KDM2A: variants seen among roughly 807,000 people sequenced by gnomAD.
KDM2A encodes the protein lysine-specific demethylase 2A.
Under a neutral mutation model 137.3 loss-of-function variants are expected in KDM2A, and 3 were observed. The observed-to-expected ratio is 0.02, with a 90% CI of 0.01 to 0.06. KDM2A has a LOEUF of 0.06. KDM2A is among the 10% of genes least tolerant of loss of function. The pLI is 1.00. For synonymous variants in KDM2A, 512 were observed against 541.5 expected (o/e 0.95, Z 0.76); for missense variants, 738 against 1,510.6 (o/e 0.49, Z 8.48).
At position 67,207,673 on chromosome 11, in the gene KDM2A, G is replaced by T. The variant is rs765577386; in HGVS notation, c.471G>T (p.Val157=). 6.2e-7 allele frequency: 1 copy of T among 1,609,468 alleles called. No homozygotes were observed. The highest frequency in any genetic ancestry group is 8.5e-7 in the Non-Finnish European group (1 of 1,177,394). The change falls in exon 6 of 21, where the codon GTG becomes GTT. Residue 157 remains valine (V), a synonymous_variant. Coordinates refer to ENST00000529006, the MANE Select transcript of KDM2A (RefSeq NM_012308.3). ...GCCACACCAGGCTGGAGAATATGGT[G>T]CAGAGGCCCTCCACGGTTAGTGTAA... ...EFSHTRLENM[V]QRPSTVDFID... is the part of the protein sequence containing the mutation.
intron 2 of KDM2A, among the ~76,000 whole-genome samples, chr11:67,161,041 C>G (rs1856625094): frequency 6.6e-6 from 1 of 152,128 alleles, no homozygotes; most frequent in South Asian, 2.1e-4. Flanking sequence ...TCTTTCCTTT[C>G]CTTTTTGCCT....
At chr11:67,164,113 T>A (rs916439315) in intron 2 of KDM2A, among the ~76,000 whole-genome samples, 3 of 152,140 alleles carry the variant, frequency 2.0e-5, no homozygotes, top group African/African-American at 7.2e-5. Flanking sequence ...CATTTAAACA[T>A]CACAGCCATC....
intron 2 of KDM2A, among the ~76,000 whole-genome samples, chr11:67,169,684 G>T (rs568286358): frequency 3.5e-5 from 5 of 143,394 alleles, no homozygotes; most frequent in Non-Finnish European, 7.6e-5. Context: ...CCCATCACTT[G>T]GTTTCTTTTT....
rs552913837 is a variant in KDM2A, at chr11:67,123,115, G to A, written c.42+1757G>A. 1.1e-4 allele frequency among the ~76,000 whole-genome samples: 17 copies of A among 151,826 alleles called. No individual in the cohort carries two copies. In the East Asian group the frequency reaches 1.7e-3, roughly 16 times the overall value. ...CTCCTGAGTAGCTGGGACTACAGGC[G>A]TGTGCCACCATGCCAGGGTAATTTT... is the stretch of plus-strand genomic sequence containing the variant. On this transcript the variant is annotated intron_variant, in intron 2 of 20. Coordinates refer to ENST00000529006, the MANE Select transcript of KDM2A (RefSeq NM_012308.3).
rs564650235 is a variant in KDM2A at position 67,184,787 on chromosome 11, T to G, written c.307+2895T>G. On this transcript the variant is annotated intron_variant, in intron 5 of 20. Transcript: ENST00000529006. ...GGCTCAGAGAAGACGTAAGAAAACTTAAGTGTATACCTCAGATTGATCCTT... is the reference window on the plus strand; with the variant it reads ...GGCTCAGAGAAGACGTAAGAAAACTGAAGTGTATACCTCAGATTGATCCTT... Among the ~76,000 whole-genome samples, 8 of 152,218 alleles carry G rather than the reference T, an allele frequency of 5.3e-5. No homozygotes were observed. In the East Asian group the frequency reaches 1.5e-3, roughly 29 times the overall value.
chr11:67,185,860 C>T (rs1241625093), intron 5 of KDM2A, among the ~76,000 whole-genome samples: 4 of 151,756 alleles, frequency 2.6e-5, no homozygotes, highest in Admixed American at 2.0e-4. Flanking sequence ...AGCAAAAAGG[C>T]CCTCACCAGA....
rs369642369 is a variant in KDM2A at position 67,250,750 on chromosome 11, G to T, written c.2720G>T (p.Arg907Leu). Residue 907 changes from arginine to leucine, a missense_variant, in exon 17 of 21, where the codon CGC (arginine) becomes CTC (leucine). Physicochemically the swap from Arg to Leu is moderately radical, Grantham distance 102. Coordinates refer to ENST00000529006, the MANE Select transcript of KDM2A (RefSeq NM_012308.3). This position sits in a 1 kb window ranked among gnomAD's most constrained non-coding sequence, Gnocchi z 7.1. ...VWMSVFRYLS[R>L]RELCECMRVC... is the part of the protein sequence containing the mutation. Reference sequence around the variant, plus strand: ...ATGTCTGTCTTCCGCTACCTCAGCCGCAGAGAACTTTGTGAATGTATGCGA... The same window carrying T: ...ATGTCTGTCTTCCGCTACCTCAGCCTCAGAGAACTTTGTGAATGTATGCGA... The T allele has an allele frequency of 1.3e-6, 2 of 1,546,762 alleles. No homozygotes were observed. Among genetic ancestry groups the T allele is most frequent in the Non-Finnish European group, 1.7e-6 (2 of 1,146,022 alleles).
Position 67,245,333 on chromosome 11 carries a change from C to A in KDM2A, c.1708C>A (p.Arg570=). 2 of 1,614,020 alleles carry A rather than the reference C, an allele frequency of 1.2e-6. No individual in the cohort carries two copies. The highest frequency in any genetic ancestry group is 3.3e-4 in the Middle Eastern group (2 of 6,062). The change falls in exon 14 of 21, where the codon CGA becomes AGA. Residue 570 remains arginine (R), a synonymous_variant. Coordinates refer to ENST00000529006, the MANE Select transcript of KDM2A (RefSeq NM_012308.3). This position sits in a 1 kb window ranked among gnomAD's most constrained non-coding sequence, Gnocchi z 4.1. ...IVSGARRRRV[R]CRKCKACVQG... is the part of the protein sequence containing the mutation. ...GTCAGGAGCCAGACGGAGACGAGTGCGATGTCGAAAATGCAAAGCCTGTGT... is the reference window on the plus strand; with the variant it reads ...GTCAGGAGCCAGACGGAGACGAGTGAGATGTCGAAAATGCAAAGCCTGTGT...
chr11:67,129,896 G>C (rs1208979041), intron 2 of KDM2A, among the ~76,000 whole-genome samples: 1 of 140,204 alleles, frequency 7.1e-6, no homozygotes, highest in East Asian at 2.0e-4. Context: ...GGGCGACAGA[G>C]ACTCTGTCTC....
intron 17 of KDM2A, chr11:67,252,263 T>A: frequency 5.2e-6 from 1 of 191,288 alleles, no homozygotes; most frequent in Non-Finnish European, 1.1e-5. Flanking sequence ...TGCGAGTGAT[T>A]GACAAGGGAG....
chr11:67,179,575 C>T (rs551340201), intron 2 of KDM2A, among the ~76,000 whole-genome samples: 8 of 152,344 alleles, frequency 5.3e-5, no homozygotes, highest in South Asian at 4.1e-4. Flanking sequence ...CCACCGCACC[C>T]GGCCTGGAAT....
chr11:67,215,685 A>C (rs918154487), intron 7 of KDM2A, 171 bp from the exon 8 acceptor site: 11 of 673,856 alleles, frequency 1.6e-5, no homozygotes, highest in African/African-American at 7.2e-5. Context: ...AAAAAAAAAA[A>C]ACCTTTTTCT....
At chr11:67,203,685 C>T (rs1857715769) in intron 5 of KDM2A, among the ~76,000 whole-genome samples, 1 of 150,920 alleles carries the variant, frequency 6.6e-6, no homozygotes, top group Non-Finnish European at 1.5e-5. Flanking sequence ...GCCTGGGAGG[C>T]AGAGGTTGCA....
In KDM2A at chr11:67,216,417, A is replaced by G. The variant is rs556368019; in HGVS notation, c.687+468A>G. ...CCTTTAAGTCCTTTTTGAGGATGTA[A>G]ACAGGTTTTGAAGGATTATCTTTAT... On this transcript the variant is annotated intron_variant, in intron 8 of 20. Coordinates refer to ENST00000529006, the MANE Select transcript of KDM2A (RefSeq NM_012308.3). 3.9e-5 allele frequency among the ~76,000 whole-genome samples: 6 copies of G among 152,354 alleles called. No individual in the cohort carries two copies. In the East Asian group the frequency reaches 1.2e-3, roughly 29 times the overall value.
At chr11:67,193,162 G>A (rs1191527412) in intron 5 of KDM2A, among the ~76,000 whole-genome samples, 1 of 151,866 alleles carries the variant, frequency 6.6e-6, no homozygotes, top group Non-Finnish European at 1.5e-5. Context: ...GCTCATTTTT[G>A]TATTTTTAGT....
At chr11:67,187,575 T>C (rs1477976126) in intron 5 of KDM2A, among the ~76,000 whole-genome samples, 1 of 151,434 alleles carries the variant, frequency 6.6e-6, no homozygotes, top group Non-Finnish European at 1.5e-5. Flanking sequence ...TTTATTTATT[T>C]ATTTATTTAT....
intron 2 of KDM2A, among the ~76,000 whole-genome samples, chr11:67,151,901 C>T (rs1565379501): frequency 6.6e-6 from 1 of 152,156 alleles, no homozygotes; most frequent in Non-Finnish European, 1.5e-5. Context: ...TGTACCACCA[C>T]ACCGGGCTAA....
intron 2 of KDM2A, among the ~76,000 whole-genome samples, chr11:67,141,216 G>A (rs776723574): frequency 2.6e-5 from 4 of 151,926 alleles, no homozygotes; most frequent in Admixed American, 1.3e-4. Context: ...CTTCATATGC[G>A]AAACAATTTT....
At position 67,231,594 on chromosome 11, in the gene KDM2A, G is replaced by A; in HGVS notation, c.1113G>A (p.Gly371=). 1.2e-6 allele frequency: 2 copies of A among 1,609,158 alleles called. No homozygotes were observed. Among genetic ancestry groups the A allele is most frequent in the African/African-American group, 1.3e-5 (1 of 74,982 alleles). The change falls in exon 12 of 21, where the codon GGG becomes GGA. Residue 371 remains glycine (G), a synonymous_variant. Coordinates refer to ENST00000529006, the MANE Select transcript of KDM2A (RefSeq NM_012308.3). ...TGGAGTTAAATGGGTTGGAGTCTGGGAATGGGGATGAGGAAGCAGTGGATC... is the reference window on the plus strand; with the variant it reads ...TGGAGTTAAATGGGTTGGAGTCTGGAAATGGGGATGAGGAAGCAGTGGATC... ...MDLELNGLES[G]NGDEEAVDRE...
Sources: allele counts gnomAD v4.1 joint callset (sites outside exome capture counted in the v4.1 genomes callset), GRCh38; gene constraint gnomAD v4.1.1; non-coding constraint Gnocchi (gnomAD v3.1); transcripts MANE v1.5; gene names NCBI Gene and HGNC (gene_info 2026-07-23, HGNC 2026-07-21).